The following NEGR1 variants were observed in gnomAD, a reference collection of about 807,000 sequenced individuals.
NEGR1 encodes neuronal growth regulator 1.
NEGR1 carries 10 observed loss-of-function variants against 40.9 expected under a neutral mutation model. That is an observed-to-expected ratio of 0.24 (90% CI 0.15 to 0.42). The LOEUF (loss-of-function observed/expected upper bound fraction) is 0.42, where lower values mean the gene tolerates loss of function less well. NEGR1 is among the 10% of genes least tolerant of loss of function. The probability of loss-of-function intolerance (pLI) is 1.00; values close to 1 mark genes in which losing one functional copy is unlikely to be tolerated. For missense variants in NEGR1, 352 were observed against 438.9 expected (o/e 0.80, Z 1.77); for synonymous variants, 185 against 166.8 (o/e 1.11, Z -0.84).
intron 2 of NEGR1, among the ~76,000 whole-genome samples, chr1:71,848,949 G>A (rs1310923820): frequency 6.6e-6 from 1 of 152,130 alleles, no homozygotes; most frequent in Admixed American, 6.5e-5. Flanking sequence ...AATTAGCCGG[G>A]TGTGGGGGCG....
chr1:71,975,486 T>C (rs2100327381), intron 1 of NEGR1, among the ~76,000 whole-genome samples: 1 of 152,324 alleles, frequency 6.6e-6, no homozygotes, highest in African/African-American at 2.4e-5. Flanking sequence ...TGGAATGCTC[T>C]TCTGACCTAT....
chr1:72,166,878 A>G (rs1651785684), intron 1 of NEGR1, among the ~76,000 whole-genome samples: 1 of 152,136 alleles, frequency 6.6e-6, no homozygotes, highest in African/African-American at 2.4e-5. Context: ...ATATATATAC[A>G]CAATTATAAT....
chr1:71,450,847 A>C (rs929867423), intron 6 of NEGR1, among the ~76,000 whole-genome samples: 2 of 152,024 alleles, frequency 1.3e-5, no homozygotes, highest in African/African-American at 2.4e-5. Flanking sequence ...CAAGAAAATA[A>C]GGGTAACTTT....
intron 1 of NEGR1, among the ~76,000 whole-genome samples, chr1:71,975,610 G>C (rs552808746): frequency 2.6e-5 from 4 of 152,288 alleles, no homozygotes; most frequent in South Asian, 2.1e-4. Flanking sequence ...ACCAATGCTA[G>C]ATTAGCATTC....
chr1:72,161,915 C>A (rs1651579190), intron 1 of NEGR1, among the ~76,000 whole-genome samples: 1 of 151,608 alleles, frequency 6.6e-6, no homozygotes, highest in South Asian at 2.1e-4. Context: ...GATCTCTTAA[C>A]AACTGACCTC....
chr1:71,431,778 G>A (rs1386945094), intron 6 of NEGR1, among the ~76,000 whole-genome samples: 1 of 152,212 alleles, frequency 6.6e-6, no homozygotes, highest in Admixed American at 6.5e-5. Context: ...ACTAGAAAGT[G>A]AATGGGAGGG....
intron 1 of NEGR1, among the ~76,000 whole-genome samples, chr1:72,050,090 T>C (rs1222020241): frequency 3.3e-5 from 5 of 151,572 alleles, no homozygotes; most frequent in African/African-American, 1.2e-4. Context: ...AGTCCACTGC[T>C]TTTCTAGATA....
intron 1 of NEGR1, among the ~76,000 whole-genome samples, chr1:72,080,994 A>G (rs1436173805): frequency 1.3e-5 from 2 of 152,094 alleles, no homozygotes; most frequent in Non-Finnish European, 2.9e-5. Flanking sequence ...GGGACTGGTT[A>G]AACCAAAAAG....
chr1:71,504,995 G>C (rs1647022653), intron 6 of NEGR1, among the ~76,000 whole-genome samples: 1 of 151,990 alleles, frequency 6.6e-6, no homozygotes, highest in Non-Finnish European at 1.5e-5. Flanking sequence ...CAACAGAGGA[G>C]GGTTAAAAAT....
At chr1:71,743,405 TG>T (rs1255493102) in intron 3 of NEGR1, among the ~76,000 whole-genome samples, 1 of 151,200 alleles carries the variant, frequency 6.6e-6, no homozygotes. Flanking sequence ...CAGCTGTCAT[TG>T]GTTTTTTTTT....
chr1:71,901,666 ATTTTT>A lies in NEGR1; in HGVS notation c.409+33408_409+33412del, dbSNP rs33958971. Among the ~76,000 whole-genome samples the A allele has an allele frequency of 8.6e-5, 10 of 115,860 alleles. No homozygotes were observed. In the South Asian group the frequency reaches 1.1e-3, roughly 13 times the overall value. The allele number at this position is 115,860 out of a possible 152,430, so 76.0% of individuals were successfully genotyped here. The stretch of plus-strand genomic sequence containing the variant: ...CCATTTTTCTAAAAATGAGATATAA[ATTTTT>A]TTTTTTTTTTTTTTTTTGAGACGGA... On this transcript the variant is annotated intron_variant, in intron 2 of 6. Transcript: ENST00000357731.
chr1:72,214,851 A>G (rs1404033319), intron 1 of NEGR1, among the ~76,000 whole-genome samples: 9 of 41,556 alleles, frequency 2.2e-4, no homozygotes, highest in African/African-American at 8.1e-4. Flanking sequence ...AGAATTAGCG[A>G]AAAAAAAAAA....
chr1:71,810,200 T>C (rs1178496501), intron 2 of NEGR1, among the ~76,000 whole-genome samples: 1 of 152,160 alleles, frequency 6.6e-6, no homozygotes, highest in African/African-American at 2.4e-5. Flanking sequence ...ACCTATGCTT[T>C]GGTTAAGCTT....
chr1:72,232,638 TG>T (rs1654405444), intron 1 of NEGR1, among the ~76,000 whole-genome samples: 2 of 152,108 alleles, frequency 1.3e-5, no homozygotes, highest in Non-Finnish European at 2.9e-5. Context: ...TCATTTTAAT[TG>T]TATCATAGGG....
chr1:71,964,091 C>T (rs1354350086), intron 1 of NEGR1, among the ~76,000 whole-genome samples: 3 of 152,068 alleles, frequency 2.0e-5, no homozygotes, highest in Admixed American at 2.0e-4. Context: ...TTAAAATAAC[C>T]TCAATCATAC....
intron 2 of NEGR1, among the ~76,000 whole-genome samples, chr1:71,812,056 T>A (rs931330748): frequency 1.3e-5 from 2 of 151,680 alleles, no homozygotes; most frequent in African/African-American, 4.8e-5. Context: ...CCTCCTGCTA[T>A]CCCCCAACAG....
intron 6 of NEGR1, among the ~76,000 whole-genome samples, chr1:71,429,879 T>A (rs1646455002): frequency 6.6e-6 from 1 of 152,226 alleles, no homozygotes; most frequent in South Asian, 2.1e-4. Flanking sequence ...CCATACTTAC[T>A]TATGAAGGAT....
intron 6 of NEGR1, among the ~76,000 whole-genome samples, chr1:71,480,515 G>A (rs1160325743): frequency 6.6e-6 from 1 of 151,690 alleles, no homozygotes; most frequent in Non-Finnish European, 1.5e-5. Flanking sequence ...GCTAGAAAGG[G>A]AGCTCCATGA....
intron 1 of NEGR1, among the ~76,000 whole-genome samples, chr1:72,091,130 C>T (rs76349038): frequency 0.03 from 4,641 of 152,170 alleles, 236 homozygotes; most frequent in African/African-American, 0.11. Flanking sequence ...GACATTTAGA[C>T]TCATTTTACT....
Sources: gnomAD v4.1 joint callset for allele counts (sites outside exome capture counted in the v4.1 genomes callset) on GRCh38, gnomAD v4.1.1 for gene constraint, MANE v1.5 for transcripts, NCBI Gene and HGNC (gene_info 2026-07-23, HGNC 2026-07-21) for gene names.